SIPA1L3: variants seen among roughly 807,000 people sequenced by gnomAD.
The protein encoded by SIPA1L3 is signal-induced proliferation-associated 1-like protein 3.
SIPA1L3 carries 59 observed loss-of-function variants against 150.1 expected under a neutral mutation model. That is an observed-to-expected ratio of 0.39 (90% CI 0.32 to 0.49). The LOEUF (loss-of-function observed/expected upper bound fraction) is 0.49. Among genes scored for constraint, SIPA1L3 ranks in the 20% least tolerant of loss-of-function variants. The probability of loss-of-function intolerance (pLI) is 0.86; values close to 1 mark genes in which losing one functional copy is unlikely to be tolerated. For synonymous variants in SIPA1L3, 1,070 were observed against 1,077.6 expected (o/e 0.99, Z 0.14); for missense variants, 2,211 against 2,489.5 (o/e 0.89, Z 2.38).
chr19:38,146,910 G>A (rs1399419095), intron 12 of SIPA1L3, among the ~76,000 whole-genome samples: 5 of 152,080 alleles, frequency 3.3e-5, no homozygotes, highest in African/African-American at 1.2e-4. Context: ...AATTGGGTGT[G>A]ATGGTGTTCT....
chr19:38,202,128 A>T, intron 20 of SIPA1L3, 131 bp downstream of exon 20: 2 of 796,272 alleles, frequency 2.5e-6, no homozygotes, highest in Non-Finnish European at 3.8e-6. Context: ...TATAGCAGCT[A>T]CTCCCCCCTC....
chr19:37,921,002 G>C (rs1343348715), intron 1 of SIPA1L3, among the ~76,000 whole-genome samples: 1 of 152,168 alleles, frequency 6.6e-6, no homozygotes, highest in African/African-American at 2.4e-5. Context: ...GACGTACACA[G>C]ATCTTCTGAC....
chr19:38,196,932 G>A (rs1972967762), intron 18 of SIPA1L3, among the ~76,000 whole-genome samples: 1 of 152,158 alleles, frequency 6.6e-6, no homozygotes, highest in Non-Finnish European at 1.5e-5. Flanking sequence ...TTCTTTGACT[G>A]TAAAATGTAA....
intron 2 of SIPA1L3, among the ~76,000 whole-genome samples, chr19:38,033,281 T>A (rs1320305242): frequency 6.6e-6 from 1 of 152,264 alleles, no homozygotes; most frequent in Non-Finnish European, 1.5e-5. Flanking sequence ...TGACTGTGAC[T>A]ATGTTTTGTT....
At chr19:37,933,519 T>C (rs2046574047) in intron 1 of SIPA1L3, among the ~76,000 whole-genome samples, 1 of 152,238 alleles carries the variant, frequency 6.6e-6, no homozygotes, top group African/African-American at 2.4e-5. Context: ...TCCATCCTTG[T>C]AGAACCGTTC....
chr19:37,959,039 A>G (rs924665842), intron 1 of SIPA1L3, among the ~76,000 whole-genome samples: 2 of 152,274 alleles, frequency 1.3e-5, no homozygotes, highest in Non-Finnish European at 2.9e-5. Context: ...AGTGTTGGCC[A>G]GGATGTGGAG....
At chr19:38,058,417 C>A (rs1969372690) in intron 2 of SIPA1L3, among the ~76,000 whole-genome samples, 1 of 152,138 alleles carries the variant, frequency 6.6e-6, no homozygotes, top group Admixed American at 6.5e-5. Context: ...ACAGGTGCCC[C>A]CCTGCATGTC....
At chr19:38,088,930 T>G (rs569602752) in intron 4 of SIPA1L3, 79 bp downstream of exon 4, 73 of 1,500,802 alleles carry the variant, frequency 4.9e-5, no homozygotes, top group Admixed American at 7.0e-5. Flanking sequence ...GGCAAACGCT[T>G]CCCCAGCTTC....
intron 8 of SIPA1L3, among the ~76,000 whole-genome samples, chr19:38,112,635 G>A (rs1297934516): frequency 6.6e-6 from 1 of 151,960 alleles, no homozygotes; most frequent in Non-Finnish European, 1.5e-5. Context: ...TGTGCCCACC[G>A]CCAGCTTTAA....
At chr19:38,139,110 C>T (rs560577635) in intron 10 of SIPA1L3, among the ~76,000 whole-genome samples, 50 of 151,868 alleles carry the variant, frequency 3.3e-4, no homozygotes, top group Admixed American at 9.2e-4. Context: ...GCGCGAGAAT[C>T]GCTGAAACCT....
chr19:38,042,051 C>A (rs1654374), intron 2 of SIPA1L3, among the ~76,000 whole-genome samples: 8 of 151,884 alleles, frequency 5.3e-5, no homozygotes, highest in Non-Finnish European at 1.2e-4. Flanking sequence ...CTTTTTAGTT[C>A]GATGTAGTCC....
chr19:38,074,030 G>A (rs1390783570), intron 2 of SIPA1L3, among the ~76,000 whole-genome samples: 1 of 152,226 alleles, frequency 6.6e-6, no homozygotes, highest in Non-Finnish European at 1.5e-5. Flanking sequence ...TTGAGCCCAG[G>A]AGGCAGTCTG....
chr19:38,088,910 A>G, intron 4 of SIPA1L3, 59 bp downstream of exon 4: 8 of 1,588,540 alleles, frequency 5.0e-6, no homozygotes, highest in South Asian at 1.1e-5. Context: ...ATCTCGAGCC[A>G]GGTTCTGGGG....
At chr19:37,996,639 G>A (rs1477824255) in intron 1 of SIPA1L3, among the ~76,000 whole-genome samples, 1 of 152,064 alleles carries the variant, frequency 6.6e-6, no homozygotes, top group Non-Finnish European at 1.5e-5. Context: ...TCCAACTGAA[G>A]CTTTGTGTCC....
chr19:38,082,275 C>T lies in SIPA1L3; in HGVS notation c.710C>T (p.Ala237Val). 6.2e-7 allele frequency: 1 copy of T among 1,600,232 alleles called. No homozygotes were observed. The change falls in exon 3 of 22, where the codon GCC (alanine) becomes GTC (valine). Residue 237 changes from alanine to valine, a missense_variant. Coordinates refer to ENST00000222345, the MANE Select transcript of SIPA1L3 (RefSeq NM_015073.3). ...SEQPDARGCQ[A>V]LTELLRADPG... ...CAGCCCGACGCCCGAGGGTGCCAGG[C>T]CCTCACCGAGCTCCTCCGGGCAGAT...
intron 10 of SIPA1L3, among the ~76,000 whole-genome samples, chr19:38,131,067 T>C (rs1971296934): frequency 1.3e-5 from 2 of 152,214 alleles, no homozygotes; most frequent in South Asian, 2.1e-4. Context: ...AGGATGTTAA[T>C]AGTTGCTTGC....
chr19:37,997,568 T>TAA (rs71177495), intron 1 of SIPA1L3, among the ~76,000 whole-genome samples: 26,643 of 83,806 alleles, frequency 0.32, 5,373 homozygotes, highest in East Asian at 0.71. Context: ...ACTGTCTCAT[T>TAA]AAAAAAAAAA....
chr19:38,134,905 G>A (rs1047645117), intron 10 of SIPA1L3, among the ~76,000 whole-genome samples: 9 of 152,098 alleles, frequency 5.9e-5, no homozygotes, highest in African/African-American at 2.2e-4. Context: ...AAGAGGACCT[G>A]CATGGCTGCA....
intron 1 of SIPA1L3, among the ~76,000 whole-genome samples, chr19:37,975,786 G>T (rs1431780853): frequency 6.6e-6 from 1 of 152,118 alleles, no homozygotes; most frequent in South Asian, 2.1e-4. Flanking sequence ...GCAGCCTCTG[G>T]CTACCACCCC....
Sources: allele counts gnomAD v4.1 joint callset (sites outside exome capture counted in the v4.1 genomes callset), GRCh38; gene constraint gnomAD v4.1.1; transcripts MANE v1.5; gene names NCBI Gene and HGNC (gene_info 2026-07-23, HGNC 2026-07-21).